Variants in ITGA9 observed in about 807,000 individuals in gnomAD.
ITGA9 encodes integrin subunit alpha 9, also known as integrin alpha-9.
Under a neutral mutation model 127.8 loss-of-function variants are expected in ITGA9, and 56 were observed. The ratio of observed to expected loss-of-function variants is 0.44; its 90% confidence interval spans 0.35 to 0.55. The LOEUF (loss-of-function observed/expected upper bound fraction) is 0.55, where lower values mean the gene tolerates loss of function less well. ITGA9 is among the 20% of genes least tolerant of loss of function. ITGA9 has a pLI of 0.00. For missense variants in ITGA9, 1,196 were observed against 1,347.1 expected, an observed-to-expected ratio of 0.89 and a Z score of 1.76; for synonymous variants, 508 against 514.5, an observed-to-expected ratio of 0.99 and a Z score of 0.17.
chr3:37,779,144 G>A lies in ITGA9; in HGVS notation c.2668-758G>A, dbSNP rs112929239. Among the ~76,000 whole-genome samples the A allele has an allele frequency of 8.2e-3, 1,242 of 152,004 alleles. 20 individuals carry two copies. The highest frequency in any genetic ancestry group is 0.028 in the African/African-American group (1,171 of 41,444). ...TTTTGAGATGGAGTCTTGCTCTGTC[G>A]CCCAGGGTGGAGTGCAGTGGCATGA... On this transcript the variant is annotated intron_variant, in intron 24 of 27. Transcript: ENST00000264741.
At chr3:37,737,176 G>A (rs1200857619) in intron 20 of ITGA9, among the ~76,000 whole-genome samples, 193 bp downstream of exon 20, 1 of 152,164 alleles carries the variant, frequency 6.6e-6, no homozygotes, top group Non-Finnish European at 1.5e-5. Flanking sequence ...TGCTTGCATA[G>A]CCGCCACTGC....
chr3:37,777,735 G>C (rs1278169354), intron 24 of ITGA9, among the ~76,000 whole-genome samples: 1 of 152,128 alleles, frequency 6.6e-6, no homozygotes, highest in Non-Finnish European at 1.5e-5. Context: ...ATAAATCTTT[G>C]CAACCCACCA....
chr3:37,519,672 C>T (rs989247226), intron 11 of ITGA9, among the ~76,000 whole-genome samples: 2 of 152,048 alleles, frequency 1.3e-5, no homozygotes, highest in Non-Finnish European at 2.9e-5. Flanking sequence ...CTTTGTCAAC[C>T]GTCTATGCTA....
chr3:37,793,389 A>AACACACATACACACACAC (rs1270642484), intron 26 of ITGA9, among the ~76,000 whole-genome samples: 20 of 134,564 alleles, frequency 1.5e-4, no homozygotes, highest in African/African-American at 5.5e-4. Context: ...CAAACAGGTC[A>AACACACATACACACACAC]ACACACACAC....
At chr3:37,500,244 A>G (rs1698774463) in intron 5 of ITGA9, among the ~76,000 whole-genome samples, 1 of 152,178 alleles carries the variant, frequency 6.6e-6, no homozygotes, top group African/African-American at 2.4e-5. Flanking sequence ...GAGTGGATGG[A>G]TGCTCTGCTG....
chr3:37,653,862 G>A, intron 17 of ITGA9, 72 bp downstream of exon 17: 1 of 1,088,722 alleles, frequency 9.2e-7, no homozygotes, highest in Non-Finnish European at 1.4e-6. Flanking sequence ...AAACCTGAAT[G>A]TGCAGATTTC....
rs781631524 is a variant in ITGA9 at position 37,517,623 on chromosome 3, C to G, written c.1141+14C>G. The G allele has an allele frequency of 1.3e-6, 2 of 1,545,888 alleles. No individual in the cohort carries two copies. The highest frequency in any genetic ancestry group is 3.8e-5 in the Admixed American group (2 of 52,940). On this transcript the variant is annotated intron_variant, in intron 10 of 27. Transcript: ENST00000264741. ...ATGGGTTCCCAGGTGAGTGAGTGCT[C>G]CTGGTGCACGGAGCCCCTCCAGGTG... is the stretch of plus-strand genomic sequence containing the variant.
intron 5 of ITGA9, among the ~76,000 whole-genome samples, chr3:37,498,632 T>A (rs1000690469): frequency 2.6e-5 from 4 of 152,114 alleles, no homozygotes; most frequent in Non-Finnish European, 5.9e-5. Context: ...GCTGTGCTCA[T>A]GGTACAGCAA....
chr3:37,479,134 A>G (rs17227482), intron 3 of ITGA9, among the ~76,000 whole-genome samples: 16,488 of 152,288 alleles, frequency 0.11, 1,051 homozygotes, highest in Middle Eastern at 0.15. Flanking sequence ...CACAAATTAG[A>G]TAACAATAAG....
intron 15 of ITGA9, among the ~76,000 whole-genome samples, chr3:37,621,097 A>C (rs1700123395): frequency 6.6e-6 from 1 of 151,384 alleles, no homozygotes; most frequent in South Asian, 2.1e-4. Context: ...TTTTCCCCAT[A>C]CTGTTCTTAT....
intron 14 of ITGA9, among the ~76,000 whole-genome samples, chr3:37,537,906 C>A (rs1057478907): frequency 2.0e-5 from 3 of 152,208 alleles, no homozygotes; most frequent in African/African-American, 7.2e-5. Flanking sequence ...TCATTCTTGG[C>A]CTGGGAACAG....
At chr3:37,704,240 A>C (rs1700979155) in intron 18 of ITGA9, among the ~76,000 whole-genome samples, 1 of 152,100 alleles carries the variant, frequency 6.6e-6, no homozygotes, top group African/African-American at 2.4e-5. Flanking sequence ...TTGTCTAAAC[A>C]AGGCTTTTCC....
At position 37,793,391 on chromosome 3, in the gene ITGA9, C is replaced by CACACAT. The variant is rs1320888154; in HGVS notation, c.2889+8318_2889+8319insTACACA. Among the ~76,000 whole-genome samples the CACACAT allele has an allele frequency of 2.1e-3, 57 of 26,734 alleles. 1 individual carries two copies. The highest frequency in any genetic ancestry group is 0.014 in the African/African-American group (51 of 3,654). 17.5% of individuals were successfully genotyped at this position (26,734 alleles called of 152,430 possible). A position where few individuals can be genotyped will look rare whatever the true frequency, so the allele number is the denominator to read the frequency against. On this transcript the variant is annotated intron_variant, in intron 26 of 27. Coordinates refer to ENST00000264741, the MANE Select transcript of ITGA9 (RefSeq NM_002207.3). Reference sequence around the variant, plus strand: ...ACTTCCACAGCCCCAAACAGGTCAACACACACACACACACACACACACACA... The same window carrying CACACAT: ...ACTTCCACAGCCCCAAACAGGTCAACACACATACACACACACACACACACACACACA...
intron 15 of ITGA9, among the ~76,000 whole-genome samples, chr3:37,592,960 A>C (rs545418282): frequency 6.6e-6 from 1 of 152,304 alleles, no homozygotes; most frequent in South Asian, 2.1e-4. Flanking sequence ...ATAGCCTGAA[A>C]CCATAGCACC....
At chr3:37,649,690 G>A (rs72857270) in intron 16 of ITGA9, among the ~76,000 whole-genome samples, 1 of 152,170 alleles carries the variant, frequency 6.6e-6, no homozygotes, top group Non-Finnish European at 1.5e-5. Flanking sequence ...CAGTAGACTT[G>A]AACAACTGGA....
intron 16 of ITGA9, among the ~76,000 whole-genome samples, chr3:37,632,990 A>G (rs1433016596): frequency 6.6e-6 from 1 of 152,218 alleles, no homozygotes; most frequent in East Asian, 1.9e-4. Context: ...ACTTCAACAA[A>G]ACAAAAATGA....
intron 16 of ITGA9, among the ~76,000 whole-genome samples, chr3:37,639,723 T>C (rs1442368061): frequency 6.6e-6 from 1 of 152,112 alleles, no homozygotes; most frequent in Non-Finnish European, 1.5e-5. Flanking sequence ...AAGAGCTTGT[T>C]GCAGGGGCCT....
chr3:37,456,259 A>C (rs1698256662), intron 1 of ITGA9, among the ~76,000 whole-genome samples: 1 of 152,122 alleles, frequency 6.6e-6, no homozygotes, highest in African/African-American at 2.4e-5. Context: ...CAAGGGACTC[A>C]ATTTTCTTTT....
intron 9 of ITGA9, among the ~76,000 whole-genome samples, chr3:37,517,052 T>G (rs964375923): frequency 1.3e-5 from 2 of 152,148 alleles, no homozygotes; most frequent in Middle Eastern, 3.2e-3. Flanking sequence ...AACTCATATA[T>G]GCACTTTGCA....
Sources: gnomAD v4.1 joint callset for allele counts (sites outside exome capture counted in the v4.1 genomes callset) on GRCh38, gnomAD v4.1.1 for gene constraint, MANE v1.5 for transcripts, NCBI Gene and HGNC (gene_info 2026-07-23, HGNC 2026-07-21) for gene names.